The following LMNB2 variants were observed in gnomAD, a reference collection of about 807,000 sequenced individuals.
LMNB2 encodes lamin B2, also known as lamin-B2.
LMNB2 carries 17 observed loss-of-function variants against 69.3 expected under a neutral mutation model. That is an observed-to-expected ratio of 0.25 (90% CI 0.17 to 0.37). The LOEUF is 0.37. Among genes scored for constraint, LMNB2 ranks in the 10% least tolerant of loss-of-function variants. The pLI, the probability that LMNB2 is intolerant of heterozygous loss-of-function variation, is 1.00. For synonymous variants in LMNB2, 397 were observed against 389.3 expected (o/e 1.02, Z -0.23); for missense variants, 789 against 883.6 (o/e 0.89, Z 1.36).
Position 2,431,657 on chromosome 19 carries a change from TC to T in LMNB2, c.1711del (p.Glu571LysfsTer4). The T allele has an allele frequency of 6.2e-7, 1 of 1,614,060 alleles. No homozygotes were observed. Among genetic ancestry groups the T allele is most frequent in the Non-Finnish European group, 8.5e-7 (1 of 1,179,984 alleles). Reference sequence around the variant, plus strand: ...CTTCTTCACAGTCCTCATGGCCACTTCCTGTGCGGGACAGGACACGGCGGCA... The same window carrying T: ...CTTCTTCACAGTCCTCATGGCCACTTCTGTGCGGGACAGGACACGGCGGCA... The part of the protein sequence containing the change: ...RTVLVNADGE[E>X]VAMRTVKKSS... On this transcript the variant is annotated frameshift_variant and splice_region_variant, in exon 11 of 12. Transcript: ENST00000325327. LOFTEE classifies it high-confidence loss of function.
In LMNB2 at chr19:2,433,862, C is replaced by T. The variant is rs754797558; in HGVS notation, c.1446G>A (p.Glu482=). 7 of 1,613,300 alleles carry T rather than the reference C, an allele frequency of 4.3e-6. No individual in the cohort carries two copies. The Admixed American group carries it at 1.0e-4, about 23-fold the overall frequency. ...GSVSIEEIDL[E]GKFVQLKNNS... ...TGTTCTTGAGCTGCACAAACTTGCC[C>T]TCCAGGTCGATCTCCTCGATGCTGA... is the stretch of plus-strand genomic sequence containing the variant. Residue 482 remains glutamate (E), a synonymous_variant, in exon 8 of 12, where the codon GAG becomes GAA. Transcript: ENST00000325327.
chr19:2,454,249 C>T (rs887849364), intron 1 of LMNB2, among the ~76,000 whole-genome samples: 6 of 148,104 alleles, frequency 4.1e-5, no homozygotes, highest in East Asian at 2.0e-4. Context: ...GCTAAGATCG[C>T]GCCACTGCAC....
chr19:2,440,926 C>T (rs939979090), intron 2 of LMNB2, among the ~76,000 whole-genome samples: 6 of 152,186 alleles, frequency 3.9e-5, no homozygotes, highest in Non-Finnish European at 4.4e-5. Flanking sequence ...TTGTGTGACC[C>T]GGGGAGGGAG....
At chr19:2,450,565 G>A (rs778354234) in intron 1 of LMNB2, among the ~76,000 whole-genome samples, 6 of 151,784 alleles carry the variant, frequency 4.0e-5, no homozygotes, top group African/African-American at 1.5e-4. Context: ...ATCACCTGAG[G>A]TCAGGAATTT....
chr19:2,430,460 G>C lies in LMNB2; in HGVS notation c.*451C>G. 1 of 275,368 alleles carries C rather than the reference G, an allele frequency of 3.6e-6. No homozygotes were observed. Among genetic ancestry groups the C allele is most frequent in the South Asian group, 3.6e-5 (1 of 27,642 alleles). The allele number at this position is 275,368 out of a possible 1,614,324, so 17.1% of individuals were successfully genotyped here. On this transcript the variant is annotated 3_prime_UTR_variant, in exon 12 of 12. Transcript: ENST00000325327. The stretch of plus-strand genomic sequence containing the variant: ...GCAGCCAGAATGCAGGCTTGGCCCC[G>C]GGCCCCACCAGGTCGACGCCTGGAT...
intron 1 of LMNB2, among the ~76,000 whole-genome samples, chr19:2,455,311 C>T (rs969795327): frequency 6.6e-5 from 10 of 151,862 alleles, no homozygotes; most frequent in Non-Finnish European, 1.3e-4. Flanking sequence ...GGGCCTGGGC[C>T]CCCCAGTCTC....
At chr19:2,448,947 T>C (rs1383655267) in intron 1 of LMNB2, among the ~76,000 whole-genome samples, 1 of 152,206 alleles carries the variant, frequency 6.6e-6, no homozygotes, top group Non-Finnish European at 1.5e-5. Flanking sequence ...TGGAGAGCAA[T>C]GCCGCAATCA....
At chr19:2,449,177 G>A (rs556847158) in intron 1 of LMNB2, among the ~76,000 whole-genome samples, 2 of 152,166 alleles carry the variant, frequency 1.3e-5, no homozygotes, top group South Asian at 2.1e-4. Flanking sequence ...GATTATAGGC[G>A]GGAGCCACCG....
chr19:2,441,911 G>A (rs372669520), intron 2 of LMNB2, among the ~76,000 whole-genome samples: 38 of 152,342 alleles, frequency 2.5e-4, no homozygotes, highest in Non-Finnish European at 4.7e-4. Flanking sequence ...GGACTGGAGC[G>A]GAGATCGGGG....
At position 2,430,447 on chromosome 19, in the gene LMNB2, C is replaced by G. The variant is rs542721865; in HGVS notation, c.*464G>C. On this transcript the variant is annotated 3_prime_UTR_variant, in exon 12 of 12. Transcript: ENST00000325327. ...TGTCCGAAGCTGGGCAGCCAGAATG[C>G]AGGCTTGGCCCCGGGCCCCACCAGG... 1 of 256,784 alleles carries G rather than the reference C, an allele frequency of 3.9e-6. No homozygotes were observed. Among genetic ancestry groups the G allele is most frequent in the Admixed American group, 5.0e-5 (1 of 19,942 alleles). The allele number at this position is 256,784 out of a possible 1,614,324, so 15.9% of individuals were successfully genotyped here.
At chr19:2,431,000 G>C (rs758344807) in intron 11 of LMNB2, 48 bp from the exon 12 acceptor site, 3 of 1,348,618 alleles carry the variant, frequency 2.2e-6, no homozygotes, top group Non-Finnish European at 3.2e-6. Flanking sequence ...GGCCAGCCTG[G>C]AGGCAGCCGG....
chr19:2,455,968 G>T (rs765056013), intron 1 of LMNB2, among the ~76,000 whole-genome samples: 1 of 146,512 alleles, frequency 6.8e-6, no homozygotes, highest in Non-Finnish European at 1.5e-5. Context: ...GACCCTTCCC[G>T]GTCTGCACCC....
intron 1 of LMNB2, among the ~76,000 whole-genome samples, chr19:2,452,878 T>C (rs1323574725): frequency 2.0e-5 from 3 of 151,106 alleles, no homozygotes; most frequent in Non-Finnish European, 4.4e-5. Context: ...GGGGGCCGTG[T>C]TACCCTCATG....
rs879923941 is a variant in LMNB2 at position 2,430,550 on chromosome 19, C to T, written c.*361G>A. The T allele has an allele frequency of 2.7e-6, 1 of 376,528 alleles. No homozygotes were observed. Among genetic ancestry groups the T allele is most frequent in the African/African-American group, 2.1e-5 (1 of 48,118 alleles). The allele number at this position is 376,528 out of a possible 1,614,324, so 23.3% of individuals were successfully genotyped here. On this transcript the variant is annotated 3_prime_UTR_variant, in exon 12 of 12. Coordinates refer to ENST00000325327, the MANE Select transcript of LMNB2 (RefSeq NM_032737.4). ...CACCACTGAATTCCTACGCAGTTTC[C>T]GCGCTCCGTCCGCAGCAGGGCCGTC...
At position 2,429,982 on chromosome 19, in the gene LMNB2, C is replaced by G. The variant is rs929753518; in HGVS notation, c.*929G>C. ...GATAAAAGCACAGTATGGATAGACGCATGTGTATATATAGGCACAGGGCAG... is the reference window on the plus strand; with the variant it reads ...GATAAAAGCACAGTATGGATAGACGGATGTGTATATATAGGCACAGGGCAG... On this transcript the variant is annotated 3_prime_UTR_variant, in exon 12 of 12. Transcript: ENST00000325327. 3 of 152,172 alleles carry G rather than the reference C, an allele frequency of 2.0e-5. No individual in the cohort carries two copies. Among genetic ancestry groups the G allele is most frequent in the Non-Finnish European group, 4.4e-5 (3 of 68,088 alleles). 9.4% of individuals were successfully genotyped at this position (152,172 alleles called of 1,614,324 possible). A position where few individuals can be genotyped will look rare whatever the true frequency, so the allele number is the denominator to read the frequency against.
Position 2,430,606 on chromosome 19 carries a change from C to T in LMNB2, c.*305G>A, listed in dbSNP as rs1435184673. 3 of 484,446 alleles carry T rather than the reference C, an allele frequency of 6.2e-6. No individual in the cohort carries two copies. Among genetic ancestry groups the T allele is most frequent in the Non-Finnish European group, 7.6e-6 (2 of 264,628 alleles). 30.0% of individuals were successfully genotyped at this position (484,446 alleles called of 1,614,324 possible). A position where few individuals can be genotyped will look rare whatever the true frequency, so the allele number is the denominator to read the frequency against. ...TCCCCTCGCTAGCCTCGCCGGCCCT[C>T]CTCCCTCCAAGCCCAAGCATCTTCT... On this transcript the variant is annotated 3_prime_UTR_variant, in exon 12 of 12. Transcript: ENST00000325327.
intron 2 of LMNB2, among the ~76,000 whole-genome samples, chr19:2,439,768 T>C (rs1354824362): frequency 3.3e-5 from 5 of 151,886 alleles, no homozygotes; most frequent in Admixed American, 6.6e-5. Context: ...AGTTTCGCTC[T>C]TGTTGCCCAG....
Position 2,433,881 on chromosome 19 carries a change from A to AT in LMNB2, c.1426dup (p.Ile476AsnfsTer91). On this transcript the variant is annotated frameshift_variant, in exon 8 of 12. Coordinates refer to ENST00000325327, the MANE Select transcript of LMNB2 (RefSeq NM_032737.4). LOFTEE classifies it high-confidence loss of function. Reference sequence around the variant, plus strand: ...CTTGCCCTCCAGGTCGATCTCCTCGATGCTGACGCTACCCGAGGCCGAGGC... The same window carrying AT: ...CTTGCCCTCCAGGTCGATCTCCTCGATTGCTGACGCTACCCGAGGCCGAGGC... 1 of 1,613,184 alleles carries AT rather than the reference A, an allele frequency of 6.2e-7. No individual in the cohort carries two copies.
At chr19:2,434,197 C>T in intron 7 of LMNB2, 92 bp from the exon 8 acceptor site, 1 of 1,539,874 alleles carries the variant, frequency 6.5e-7, no homozygotes. Flanking sequence ...GCCCCACCTC[C>T]ACCCCTGCCC....
Sources: allele counts gnomAD v4.1 joint callset (sites outside exome capture counted in the v4.1 genomes callset), GRCh38; gene constraint gnomAD v4.1.1; transcripts MANE v1.5; gene names NCBI Gene and HGNC (gene_info 2026-07-23, HGNC 2026-07-21).